Variants in WDR27 observed in about 807,000 individuals in gnomAD.
WDR27 encodes the protein WD repeat domain 27.
A neutral mutation model predicts 114.4 loss-of-function variants in WDR27; 100 were observed. That is an observed-to-expected ratio of 0.87 (90% CI 0.74 to 1.03). WDR27 has a LOEUF of 1.03. Among genes scored for constraint, WDR27 ranks in the 50% least tolerant of loss-of-function variants. The pLI, the probability that WDR27 is intolerant of heterozygous loss-of-function variation, is 0.00. For synonymous variants in WDR27, 449 were observed against 423.1 expected, an observed-to-expected ratio of 1.06 and a Z score of -0.75; for missense variants, 1,129 against 1,092.9, an observed-to-expected ratio of 1.03 and a Z score of -0.47.
chr6:169,543,553 T>C (rs1797085491), intron 25 of WDR27, among the ~76,000 whole-genome samples: 1 of 152,168 alleles, frequency 6.6e-6, no homozygotes, highest in Non-Finnish European at 1.5e-5. Context: ...CATAACTTAT[T>C]TTATAAGGTA....
intron 25 of WDR27, among the ~76,000 whole-genome samples, chr6:169,491,636 G>C (rs1789772435): frequency 6.6e-6 from 1 of 152,160 alleles, no homozygotes; most frequent in Non-Finnish European, 1.5e-5. Flanking sequence ...GCAGAATTAA[G>C]CAGGAAGGGC....
rs756387803 is a variant in WDR27, at chr6:169,662,416, G to C, written c.913C>G (p.Gln305Glu). 1 of 1,613,916 alleles carries C rather than the reference G, an allele frequency of 6.2e-7. No individual in the cohort carries two copies. Among genetic ancestry groups the C allele is most frequent in the Non-Finnish European group, 8.5e-7 (1 of 1,179,838 alleles). ...CCCAGAGCACTTGTAGAGGGAAGCT[G>C]GCTTTCTTCTAGGGACAGAATTATT... ...SGLCSQPEES[Q>E]LPSTSALGKG... Residue 305 changes from glutamine to glutamate, a missense_variant, in exon 9 of 26, where the codon CAG becomes GAG. Gln to Glu is a conservative substitution (Grantham distance 29, BLOSUM62 2). Coordinates refer to ENST00000448612, the MANE Select transcript of WDR27 (RefSeq NM_182552.5).
intron 24 of WDR27, among the ~76,000 whole-genome samples, chr6:169,582,286 T>C (rs1803616416): frequency 6.6e-6 from 1 of 152,198 alleles, no homozygotes; most frequent in South Asian, 2.1e-4. Context: ...ATACCTAATA[T>C]TTTTAATCCT....
At chr6:169,484,306 T>G (rs1371015116) in intron 25 of WDR27, among the ~76,000 whole-genome samples, 1 of 152,224 alleles carries the variant, frequency 6.6e-6, no homozygotes, top group Non-Finnish European at 1.5e-5. Flanking sequence ...CTCCTTGATC[T>G]GATAAACAAC....
chr6:169,601,755 G>A (rs1441934199), intron 23 of WDR27, among the ~76,000 whole-genome samples: 1 of 152,220 alleles, frequency 6.6e-6, no homozygotes, highest in Non-Finnish European at 1.5e-5. Flanking sequence ...ATGTGTATTA[G>A]TACCTGCCCC....
chr6:169,517,529 C>G (rs923196100), intron 25 of WDR27, among the ~76,000 whole-genome samples: 1 of 152,154 alleles, frequency 6.6e-6, no homozygotes, highest in African/African-American at 2.4e-5. Flanking sequence ...AAAGAAGTTA[C>G]AACAAAAATA....
At position 169,463,524 on chromosome 6, in the gene WDR27, T is replaced by C. The variant is rs151242757; in HGVS notation, c.2646-5890A>G. 2.1e-4 allele frequency among the ~76,000 whole-genome samples: 32 copies of C among 152,276 alleles called. No homozygotes were observed. The East Asian group carries it at 6.0e-3, about 28-fold the overall frequency. On this transcript the variant is annotated intron_variant, in intron 25 of 25. Coordinates refer to ENST00000448612, the MANE Select transcript of WDR27 (RefSeq NM_182552.5). Reference sequence around the variant, plus strand: ...CTTTCATCATTTATATTTAGAATGGTATCAAAGTTCAAGCCAGAGCATTTG... The same window carrying C: ...CTTTCATCATTTATATTTAGAATGGCATCAAAGTTCAAGCCAGAGCATTTG...
At chr6:169,623,391 G>A (rs1364431150) in intron 21 of WDR27, among the ~76,000 whole-genome samples, 1 of 152,146 alleles carries the variant, frequency 6.6e-6, no homozygotes, top group South Asian at 2.1e-4. Context: ...CCATACAGCC[G>A]TCTCTGTGTG....
At chr6:169,610,239 T>C (rs1266810765) in intron 22 of WDR27, among the ~76,000 whole-genome samples, 2 of 152,222 alleles carry the variant, frequency 1.3e-5, no homozygotes, top group Non-Finnish European at 2.9e-5. Flanking sequence ...TTTTTGGATA[T>C]CTTCTCAGCA....
chr6:169,634,848 C>T (rs1024271017), intron 19 of WDR27, among the ~76,000 whole-genome samples: 2 of 152,122 alleles, frequency 1.3e-5, no homozygotes, highest in African/African-American at 4.8e-5. Context: ...AAAATCCTGC[C>T]CATCTCCCGC....
intron 24 of WDR27, among the ~76,000 whole-genome samples, chr6:169,575,654 G>A (rs1024422553): frequency 2.0e-5 from 3 of 152,152 alleles, no homozygotes; most frequent in African/African-American, 7.2e-5. Context: ...CACTTTACAT[G>A]TTAATATGCC....
chr6:169,566,176 TTATG>T (rs1481350463), intron 25 of WDR27, among the ~76,000 whole-genome samples: 11 of 151,998 alleles, frequency 7.2e-5, no homozygotes, highest in African/African-American at 1.2e-4. Context: ...ACCAGATCAA[TTATG>T]TAAGAAATAA....
intron 21 of WDR27, among the ~76,000 whole-genome samples, chr6:169,631,815 CTCTT>C (rs536929977): frequency 3.9e-5 from 6 of 152,270 alleles, no homozygotes; most frequent in Non-Finnish European, 5.9e-5. Context: ...AGAATCTTTG[CTCTT>C]TCTGATTTGA....
intron 2 of WDR27, among the ~76,000 whole-genome samples, chr6:169,674,818 G>A (rs1779667870): frequency 1.3e-5 from 2 of 152,174 alleles, no homozygotes; most frequent in Admixed American, 6.5e-5. Context: ...GGTGCAGGCG[G>A]GCTGAGTCCG....
At chr6:169,662,471 C>A (rs1344410220) in intron 8 of WDR27, 47 bp from the exon 9 acceptor site, 12 of 1,601,202 alleles carry the variant, frequency 7.5e-6, no homozygotes, top group Non-Finnish European at 1.0e-5. Context: ...TTAAATGCAT[C>A]CGTCAAGTTT....
the WDR27 span, among the ~76,000 whole-genome samples, chr6:169,434,147 C>A: frequency 6.6e-6 from 1 of 152,154 alleles, no homozygotes; most frequent in African/African-American, 2.4e-5. Flanking sequence ...GTGTTTTAGT[C>A]ATGAAGTCTT....
chr6:169,597,012 A>T (rs772700216), intron 23 of WDR27, among the ~76,000 whole-genome samples: 42 of 152,280 alleles, frequency 2.8e-4, no homozygotes, highest in Non-Finnish European at 4.3e-4. Flanking sequence ...TTTCTACATA[A>T]ATTGGCATCT....
At chr6:169,447,113 A>T in the WDR27 span, among the ~76,000 whole-genome samples, 1 of 152,256 alleles carries the variant, frequency 6.6e-6, no homozygotes, top group East Asian at 1.9e-4. Flanking sequence ...AAATTTTTCC[A>T]TAAGAAGATG....
chr6:169,601,634 T>C (rs1167441206), intron 23 of WDR27, among the ~76,000 whole-genome samples: 1 of 152,166 alleles, frequency 6.6e-6, no homozygotes, highest in African/African-American at 2.4e-5. Context: ...AGGCCACCCA[T>C]GAGTATTCTT....
Sources: gnomAD v4.1 joint callset for allele counts (sites outside exome capture counted in the v4.1 genomes callset) on GRCh38, gnomAD v4.1.1 for gene constraint, MANE v1.5 for transcripts, NCBI Gene and HGNC (gene_info 2026-07-23, HGNC 2026-07-21) for gene names.